Variants in GOLGB1 observed in about 807,000 individuals in gnomAD.
GOLGB1 encodes golgin subfamily B member 1.
A neutral mutation model predicts 336.9 loss-of-function variants in GOLGB1; 174 were observed. The ratio of observed to expected loss-of-function variants is 0.52; its 90% CI spans 0.46 to 0.59. GOLGB1 has a LOEUF of 0.59. GOLGB1 is among the 20% of genes least tolerant of loss of function. The probability of loss-of-function intolerance (pLI) is 0.00; values close to 1 mark genes in which losing one functional copy is unlikely to be tolerated. For synonymous variants in GOLGB1, 1,208 were observed against 1,289.2 expected (o/e 0.94, Z 1.35); for missense variants, 3,331 against 3,645.3 (o/e 0.91, Z 2.22).
chr3:121,742,035 T>G (rs1049775159), intron 1 of GOLGB1, among the ~76,000 whole-genome samples: 5 of 152,142 alleles, frequency 3.3e-5, no homozygotes, highest in Admixed American at 6.6e-5. Context: ...CACTGGGCCA[T>G]ACTGTCCAAG....
intron 17 of GOLGB1, among the ~76,000 whole-genome samples, chr3:121,670,936 T>C (rs1201950614): frequency 6.6e-6 from 1 of 152,124 alleles, no homozygotes; most frequent in Non-Finnish European, 1.5e-5. Context: ...CAATGAACAG[T>C]CCAAACCATA....
Position 121,697,815 on chromosome 3 carries a change from TC to T in GOLGB1, c.2707del (p.Glu903ArgfsTer6). On this transcript the variant is annotated frameshift_variant, in exon 13 of 22. Coordinates refer to ENST00000614479, the MANE Select transcript of GOLGB1 (RefSeq NM_001366282.2). LOFTEE classifies it high-confidence loss of function. ...DVETLQQTIE[E>X]KDQQVTEISF... ...GATTTCTGTCACTTGTTGATCCTTC[TC>T]CTCGATGGTTTGTTGGAGGGTTTCC... 6.2e-7 allele frequency: 1 copy of T among 1,614,116 alleles called. No homozygotes were observed. Among genetic ancestry groups the T allele is most frequent in the Non-Finnish European group, 8.5e-7 (1 of 1,179,950 alleles).
chr3:121,701,256 G>A (rs1407812930), intron 11 of GOLGB1, among the ~76,000 whole-genome samples: 2 of 152,152 alleles, frequency 1.3e-5, no homozygotes, highest in Non-Finnish European at 2.9e-5. Context: ...TCCAAACCAT[G>A]TGAAGCCACA....
chr3:121,718,264 A>G, intron 8 of GOLGB1, 124 bp downstream of exon 8: 1 of 632,972 alleles, frequency 1.6e-6, no homozygotes, highest in South Asian at 2.0e-5. Flanking sequence ...GTATTTGTTG[A>G]AAGAATGAAT....
chr3:121,676,731 T>C (rs78881111), intron 17 of GOLGB1, among the ~76,000 whole-genome samples, 162 bp downstream of exon 17: 4 of 152,164 alleles, frequency 2.6e-5, no homozygotes, highest in African/African-American at 9.7e-5. Flanking sequence ...TGGCCCTGTG[T>C]CCAGTGCTTT....
intron 10 of GOLGB1, among the ~76,000 whole-genome samples, chr3:121,703,166 G>A (rs570464995): frequency 5.5e-4 from 83 of 152,150 alleles, no homozygotes; most frequent in Non-Finnish European, 1.0e-3. Flanking sequence ...TTAGTTTTAT[G>A]TCTTTGTATA....
rs1195525077 is a variant in GOLGB1, at chr3:121,731,856, AAAAT to A, written c.-2-887_-2-884del. ...CAGAGTAGAAATTAATAAAAATAGA[AAAAT>A]AGAGAATATCAATAAAACCAAAAGT... On this transcript the variant is annotated intron_variant, in intron 1 of 21. Coordinates refer to ENST00000614479, the MANE Select transcript of GOLGB1 (RefSeq NM_001366282.2). Among the ~76,000 whole-genome samples, 9 of 152,300 alleles carry A rather than the reference AAAAT, an allele frequency of 5.9e-5. No homozygotes were observed. The East Asian group carries it at 1.3e-3, about 23-fold the overall frequency.
At position 121,697,572 on chromosome 3, in the gene GOLGB1, T is replaced by C; in HGVS notation, c.2951A>G (p.His984Arg). Residue 984 changes from histidine (H) to arginine (R), a missense_variant, in exon 13 of 22, where the codon CAT (histidine) becomes CGT (arginine). By Grantham distance (29) the His-to-Arg change is conservative (BLOSUM62 0). Coordinates refer to ENST00000614479, the MANE Select transcript of GOLGB1 (RefSeq NM_001366282.2). Reference sequence around the variant, plus strand: ...TTCTTTCTTCAGAAGGTCAAATTCATGCTGAAGTTCTTCCTTACTTATTTG... The same window carrying C: ...TTCTTTCTTCAGAAGGTCAAATTCACGCTGAAGTTCTTCCTTACTTATTTG... The part of the protein sequence containing the change: ...AGQISKEELQ[H>R]EFDLLKKENE... 2 of 1,613,818 alleles carry C rather than the reference T, an allele frequency of 1.2e-6. No individual in the cohort carries two copies.
Position 121,714,995 on chromosome 3 carries a change from AT to A in GOLGB1, c.1289-20del, listed in dbSNP as rs763700254. 3.9e-6 allele frequency: 5 copies of A among 1,271,672 alleles called. No homozygotes were observed. Among genetic ancestry groups the A allele is most frequent in the South Asian group, 3.6e-5 (3 of 83,574 alleles). The allele number at this position is 1,271,672 out of a possible 1,614,324, so 78.8% of individuals were successfully genotyped here. ...AGCTGATCTAAGGAAAAGAAAAAAA[AT>A]AAATGTAATATTTGCTTCAAGTCTG... On this transcript the variant is annotated intron_variant, in intron 9 of 21. Transcript: ENST00000614479.
Position 121,696,830 on chromosome 3 carries a change from A to C in GOLGB1, c.3693T>G (p.Asn1231Lys). 6.2e-7 allele frequency: 1 copy of C among 1,614,006 alleles called. No individual in the cohort carries two copies. The highest frequency in any genetic ancestry group is 1.3e-5 in the African/African-American group (1 of 74,984). The change falls in exon 13 of 22, where the codon AAT becomes AAG. Residue 1231 changes from asparagine to lysine, a missense_variant. Transcript: ENST00000614479. The part of the protein sequence containing the change: ...QEQFDEQSKE[N>K]ENIGDQLRQL... The stretch of plus-strand genomic sequence containing the variant: ...GCCTTAGCTGGTCTCCAATATTCTC[A>C]TTTTCCTTGCTTTGCTCATCAAACT...
chr3:121,704,622 C>A (rs1170942492), intron 10 of GOLGB1, among the ~76,000 whole-genome samples: 1 of 151,608 alleles, frequency 6.6e-6, no homozygotes, highest in East Asian at 1.9e-4. Context: ...TACTAAAATA[C>A]AAAATTAGCC....
intron 1 of GOLGB1, among the ~76,000 whole-genome samples, chr3:121,740,328 A>G (rs1029856027): frequency 2.6e-5 from 4 of 152,244 alleles, no homozygotes; most frequent in African/African-American, 9.6e-5. Flanking sequence ...AAAGTGTATA[A>G]AAGAGCTCTG....
intron 10 of GOLGB1, among the ~76,000 whole-genome samples, chr3:121,705,436 C>CA (rs1943731639): frequency 6.6e-6 from 1 of 152,154 alleles, no homozygotes; most frequent in Non-Finnish European, 1.5e-5. Context: ...TACTGGATAT[C>CA]AAGCAACAAA....
At position 121,727,017 on chromosome 3, in the gene GOLGB1, C is replaced by A; in HGVS notation, c.427G>T (p.Glu143Ter). 1 of 1,592,160 alleles carries A rather than the reference C, an allele frequency of 6.3e-7. No individual in the cohort carries two copies. Among genetic ancestry groups the A allele is most frequent in the South Asian group, 1.1e-5 (1 of 89,732 alleles). Residue 143 changes from glutamate (E) to a stop codon, truncating the protein, a stop_gained, in exon 5 of 22, where the codon GAG becomes TAG. Transcript: ENST00000614479. LOFTEE classifies it high-confidence loss of function. ...SKHDKSSTEE[E>*]MEIEKIKHKL... ...TGTTTTATCTTTTCTATTTCCATCT[C>A]TTCCTCTGTAGAACTCTTGTCATGC...
chr3:121,670,945 T>C (rs545280759), intron 17 of GOLGB1, among the ~76,000 whole-genome samples: 212 of 152,276 alleles, frequency 1.4e-3, no homozygotes, highest in Middle Eastern at 3.4e-3. Context: ...GTCCAAACCA[T>C]ACCAAAAACA....
intron 12 of GOLGB1, 74 bp downstream of exon 12, chr3:121,699,738 G>T: frequency 1.2e-6 from 1 of 829,068 alleles, no homozygotes; most frequent in Admixed American, 2.2e-5. Context: ...GAAAATTATG[G>T]ACGTATTTTC....
intron 10 of GOLGB1, among the ~76,000 whole-genome samples, chr3:121,707,230 AAAAAAAAAAAAAC>A (rs1943948301): frequency 6.7e-6 from 1 of 150,308 alleles, no homozygotes; most frequent in South Asian, 2.1e-4. Flanking sequence ...CATCTCAAAA[AAAAAAAAAAAAAC>A]AAAAATAAAA....
rs1265188992 is a variant in GOLGB1 at position 121,691,276 on chromosome 3, T to G, written c.8088A>C (p.Ala2696=). Residue 2696 remains alanine (A), a synonymous_variant, in exon 14 of 22, where the codon GCA becomes GCC. Transcript: ENST00000614479. ...KKELKHLHHD[A]GIMRNETETA... is the part of the protein sequence containing the mutation. ...TTTCAGTTTCATTTCTCATTATCCC[T>G]GCATCATGATGAAGATGCTTTAATT... The G allele has an allele frequency of 3.1e-6, 5 of 1,613,000 alleles. No homozygotes were observed. Among genetic ancestry groups the G allele is most frequent in the African/African-American group, 1.3e-5 (1 of 75,022 alleles).
At chr3:121,722,947 C>G (rs1050397396) in intron 5 of GOLGB1, among the ~76,000 whole-genome samples, 7 of 152,130 alleles carry the variant, frequency 4.6e-5, no homozygotes, top group African/African-American at 1.7e-4. Context: ...AGGGCTAGAG[C>G]AATCTAGGCC....
Sources: allele counts gnomAD v4.1 joint callset (sites outside exome capture counted in the v4.1 genomes callset), GRCh38; gene constraint gnomAD v4.1.1; transcripts MANE v1.5; gene names NCBI Gene and HGNC (gene_info 2026-07-23, HGNC 2026-07-21).